The following WIF1 variants were observed in gnomAD, a reference collection of about 807,000 sequenced individuals.
WIF1 encodes Wnt inhibitory factor 1.
In WIF1, 35 loss-of-function variants were observed where a neutral mutation model predicts 53.5. That is an observed-to-expected ratio of 0.65 (90% CI 0.50 to 0.87). The LOEUF is 0.87. WIF1 is among the 40% of genes least tolerant of loss of function. WIF1 has a pLI of 0.00. For synonymous variants in WIF1, 171 were observed against 170.4 expected (o/e 1.00, Z -0.03); for missense variants, 467 against 476.8 (o/e 0.98, Z 0.19).
intron 6 of WIF1, among the ~76,000 whole-genome samples, chr12:65,064,009 A>G (rs540611410): frequency 4.6e-5 from 7 of 152,320 alleles, no homozygotes; most frequent in African/African-American, 7.2e-5. Context: ...TAGGAGAACA[A>G]GCTCTTGGGG....
chr12:65,104,150 G>T (rs1345348792), intron 2 of WIF1, among the ~76,000 whole-genome samples: 1 of 152,054 alleles, frequency 6.6e-6, no homozygotes, highest in Non-Finnish European at 1.5e-5. Context: ...TTAGAAGAGC[G>T]GCTGGCAGAC....
chr12:65,073,419 A>G (rs1171778128), intron 3 of WIF1, among the ~76,000 whole-genome samples: 2 of 152,162 alleles, frequency 1.3e-5, no homozygotes, highest in Admixed American at 6.5e-5. Flanking sequence ...AGAAAAAGAG[A>G]GTGTTCAAAG....
At chr12:65,057,649 T>C (rs1882549914) in intron 7 of WIF1, among the ~76,000 whole-genome samples, 1 of 152,168 alleles carries the variant, frequency 6.6e-6, no homozygotes, top group Non-Finnish European at 1.5e-5. Context: ...TTTATTCACT[T>C]TAGCAGAACA....
At chr12:65,055,568 G>A (rs540256602) in intron 8 of WIF1, among the ~76,000 whole-genome samples, 34 of 152,230 alleles carry the variant, frequency 2.2e-4, no homozygotes, top group African/African-American at 7.9e-4. Flanking sequence ...TCAGGAGTTC[G>A]AGATCAGCCT....
Position 65,050,647 on chromosome 12 carries a change from TTTATTTTATACATACAAA to T in WIF1, c.*684_*701del, listed in dbSNP as rs2136604309. Reference sequence around the variant, plus strand: ...ATGCTCAGAAAACTAAAGCAGCACCTTTATTTTATACATACAAACAGTATAAAATGTTTATTAGGTAAG... The same window carrying T: ...ATGCTCAGAAAACTAAAGCAGCACCTCAGTATAAAATGTTTATTAGGTAAG... On this transcript the variant is annotated 3_prime_UTR_variant, in exon 10 of 10. Coordinates refer to ENST00000286574, the MANE Select transcript of WIF1 (RefSeq NM_007191.5). The T allele has an allele frequency of 5.6e-6, 1 of 178,166 alleles. No homozygotes were observed. Among genetic ancestry groups the T allele is most frequent in the African/African-American group, 2.4e-5 (1 of 42,430 alleles). The allele number at this position is 178,166 out of a possible 1,614,324, so 11.0% of individuals were successfully genotyped here. A position where few individuals can be genotyped will look rare whatever the true frequency, so the allele number is the denominator to read the frequency against.
intron 2 of WIF1, among the ~76,000 whole-genome samples, chr12:65,101,607 T>C (rs1200927511): frequency 6.6e-6 from 1 of 152,226 alleles, no homozygotes; most frequent in Non-Finnish European, 1.5e-5. Context: ...AATTGTATTG[T>C]CCGTGCTATT....
chr12:65,114,360 TA>T (rs1883478209), intron 2 of WIF1, among the ~76,000 whole-genome samples: 1 of 152,186 alleles, frequency 6.6e-6, no homozygotes, highest in Non-Finnish European at 1.5e-5. Context: ...CTGTTTTTTA[TA>T]AAATTAGCAA....
chr12:65,058,287 T>A (rs190593656), intron 7 of WIF1, among the ~76,000 whole-genome samples: 2 of 152,228 alleles, frequency 1.3e-5, no homozygotes, highest in East Asian at 3.9e-4. Flanking sequence ...GTGAGCAAGG[T>A]ATAGGATGAT....
At chr12:65,119,358 G>A (rs1168387270) in intron 2 of WIF1, among the ~76,000 whole-genome samples, 1 of 152,070 alleles carries the variant, frequency 6.6e-6, no homozygotes, top group Non-Finnish European at 1.5e-5. Flanking sequence ...CAATGGAAGT[G>A]TTGAAGGTTC....
At chr12:65,075,240 A>C (rs1453276797) in intron 3 of WIF1, among the ~76,000 whole-genome samples, 1 of 152,180 alleles carries the variant, frequency 6.6e-6, no homozygotes, top group African/African-American at 2.4e-5. Flanking sequence ...TCCCACTCTT[A>C]TGGCACTGGA....
At chr12:65,089,895 T>C (rs767516846) in intron 2 of WIF1, among the ~76,000 whole-genome samples, 6 of 152,142 alleles carry the variant, frequency 3.9e-5, no homozygotes, top group African/African-American at 7.2e-5. Flanking sequence ...CTCTCCTCAT[T>C]GGAAGGGATT....
At chr12:65,114,174 T>TAA (rs1883475036) in intron 2 of WIF1, among the ~76,000 whole-genome samples, 1 of 100,630 alleles carries the variant, frequency 9.9e-6, no homozygotes, top group Non-Finnish European at 2.6e-5. Context: ...CCTATTTTTT[T>TAA]TATTTTTTTT....
At chr12:65,113,538 G>GC (rs1883463788) in intron 2 of WIF1, among the ~76,000 whole-genome samples, 1 of 151,712 alleles carries the variant, frequency 6.6e-6, no homozygotes, top group African/African-American at 2.4e-5. Context: ...CATGTAAATT[G>GC]CCATAGAACC....
chr12:65,111,078 G>A (rs1478937359), intron 2 of WIF1, among the ~76,000 whole-genome samples: 1 of 152,176 alleles, frequency 6.6e-6, no homozygotes, highest in Non-Finnish European at 1.5e-5. Flanking sequence ...TGGGGTCAGG[G>A]GATAGGATAG....
In WIF1 at chr12:65,067,790, G is replaced by C. The variant is rs747668758; in HGVS notation, c.539C>G (p.Ala180Gly). 1.2e-6 allele frequency: 2 copies of C among 1,612,878 alleles called. No individual in the cohort carries two copies. Among genetic ancestry groups the C allele is most frequent in the Non-Finnish European group, 1.7e-6 (2 of 1,179,206 alleles). The change falls in exon 5 of 10, where the codon GCT (alanine) becomes GGT (glycine). Residue 180 changes from alanine to glycine, a missense_variant and splice_region_variant. Coordinates refer to ENST00000286574, the MANE Select transcript of WIF1 (RefSeq NM_007191.5). ...ATTTCGGCACCCGCCTGGGCACTCA[G>C]CTTCAGCAGAGAGAAACAAAGCTTA... ...NAIFFKTCQQAECPGGCRNGG... is the reference protein window; with the variant it reads ...NAIFFKTCQQGECPGGCRNGG...
intron 2 of WIF1, among the ~76,000 whole-genome samples, chr12:65,109,221 CT>C (rs935233906): frequency 6.6e-5 from 10 of 152,310 alleles, no homozygotes; most frequent in Admixed American, 5.2e-4. Context: ...TACTAAACAT[CT>C]TTCATGACTC....
chr12:65,116,855 C>G (rs900082691), intron 2 of WIF1, among the ~76,000 whole-genome samples: 1 of 144,340 alleles, frequency 6.9e-6, no homozygotes, highest in Non-Finnish European at 1.5e-5. Context: ...ATCGTTTGAA[C>G]CTGGGAGGCA....
intron 2 of WIF1, among the ~76,000 whole-genome samples, chr12:65,100,066 T>C (rs982414351): frequency 6.6e-6 from 1 of 152,200 alleles, no homozygotes; most frequent in Non-Finnish European, 1.5e-5. Context: ...ATATGAAGCA[T>C]ACAAAGAAAC....
intron 3 of WIF1, among the ~76,000 whole-genome samples, chr12:65,070,677 A>C (rs953696541): frequency 1.3e-5 from 2 of 152,114 alleles, no homozygotes; most frequent in African/African-American, 4.8e-5. Context: ...CTTATTTTCC[A>C]GGTGTATCTT....
Sources: gnomAD v4.1 joint callset for allele counts (sites outside exome capture counted in the v4.1 genomes callset) on GRCh38, gnomAD v4.1.1 for gene constraint, MANE v1.5 for transcripts, NCBI Gene and HGNC (gene_info 2026-07-23, HGNC 2026-07-21) for gene names.